Variants in MMP16 observed in about 807,000 individuals in gnomAD.
MMP16 encodes matrix metalloproteinase-16.
Under a neutral mutation model 67.8 loss-of-function variants are expected in MMP16, and 12 were observed. The ratio of observed to expected loss-of-function variants is 0.18; its 90% CI spans 0.11 to 0.29. The LOEUF is 0.29. Among genes scored for constraint, MMP16 ranks in the 10% least tolerant of loss-of-function variants. The probability of loss-of-function intolerance (pLI) is 1.00; values close to 1 mark genes in which losing one functional copy is unlikely to be tolerated. For missense variants in MMP16, 475 were observed against 765.7 expected, an observed-to-expected ratio of 0.62 and a Z score of 4.48; for synonymous variants, 249 against 255.9, an observed-to-expected ratio of 0.97 and a Z score of 0.26.
chr8:88,115,222 AAAC>A lies in MMP16; in HGVS notation c.1083+1282_1083+1284del, dbSNP rs149080844. ...GTTTTCATCAGGTGTCTTTTAGAAT[AAAC>A]AAAAGATTGCACTTTGAGTTCATTT... On this transcript the variant is annotated intron_variant, in intron 6 of 9. Coordinates refer to ENST00000286614, the MANE Select transcript of MMP16 (RefSeq NM_005941.5). Among the ~76,000 whole-genome samples, 573 of 152,194 alleles carry A rather than the reference AAAC, an allele frequency of 3.8e-3. 6 individuals carry two copies. The highest frequency in any genetic ancestry group is 0.013 in the African/African-American group (536 of 41,578).
chr8:88,047,234 T>G (rs1466292519), intron 8 of MMP16, among the ~76,000 whole-genome samples: 1 of 152,204 alleles, frequency 6.6e-6, no homozygotes, highest in Non-Finnish European at 1.5e-5. Context: ...CTTGATTTAT[T>G]TATTCATTCG....
chr8:88,160,737 G>A (rs1038770431), intron 4 of MMP16, among the ~76,000 whole-genome samples: 3 of 151,992 alleles, frequency 2.0e-5, no homozygotes, highest in African/African-American at 7.2e-5. Flanking sequence ...ATTCCTCAGG[G>A]ATCTAGAACT....
chr8:88,276,263 T>A (rs1425648172), intron 1 of MMP16, among the ~76,000 whole-genome samples: 2 of 152,058 alleles, frequency 1.3e-5, no homozygotes, highest in Non-Finnish European at 2.9e-5. Flanking sequence ...ATATGTAGCA[T>A]CTTATATACC....
At chr8:88,122,399 G>A (rs1807854793) in intron 4 of MMP16, among the ~76,000 whole-genome samples, 1 of 151,890 alleles carries the variant, frequency 6.6e-6, no homozygotes, top group Admixed American at 6.6e-5. Flanking sequence ...CTCTACATCT[G>A]TGTATACTTG....
intron 3 of MMP16, among the ~76,000 whole-genome samples, chr8:88,170,527 T>G (rs1417642520): frequency 6.6e-6 from 1 of 152,194 alleles, no homozygotes; most frequent in Non-Finnish European, 1.5e-5. Context: ...GATATTCCTA[T>G]GACACATCAT....
chr8:88,269,226 T>C (rs1264832192), intron 1 of MMP16, among the ~76,000 whole-genome samples: 3 of 152,180 alleles, frequency 2.0e-5, no homozygotes, highest in Non-Finnish European at 4.4e-5. Context: ...AATAGTACTA[T>C]GTAGTACCTC....
At chr8:88,051,882 A>G (rs1417315218) in intron 8 of MMP16, among the ~76,000 whole-genome samples, 1 of 152,198 alleles carries the variant, frequency 6.6e-6, no homozygotes. Context: ...TGTTATGAAG[A>G]TCAAAACATA....
chr8:88,222,964 T>C (rs1344540565), intron 1 of MMP16, among the ~76,000 whole-genome samples: 1 of 152,106 alleles, frequency 6.6e-6, no homozygotes, highest in Non-Finnish European at 1.5e-5. Flanking sequence ...AGGGCTAATA[T>C]GCAGAATCTA....
intron 4 of MMP16, among the ~76,000 whole-genome samples, chr8:88,126,565 T>C (rs1807934744): frequency 6.6e-6 from 1 of 151,756 alleles, no homozygotes; most frequent in African/African-American, 2.4e-5. Context: ...TCAAGTGTTC[T>C]TGTCACCAGA....
chr8:88,310,413 T>C (rs1391595424), intron 1 of MMP16, among the ~76,000 whole-genome samples: 1 of 152,012 alleles, frequency 6.6e-6, no homozygotes, highest in Non-Finnish European at 1.5e-5. Context: ...ATAAAGTAAT[T>C]GAAGTAAATG....
At chr8:88,149,367 A>C (rs1005472466) in intron 4 of MMP16, among the ~76,000 whole-genome samples, 14 of 152,176 alleles carry the variant, frequency 9.2e-5, no homozygotes, top group African/African-American at 2.9e-4. Context: ...CCACAGCTCA[A>C]GGAGGCCTGC....
intron 4 of MMP16, among the ~76,000 whole-genome samples, chr8:88,147,469 T>C (rs754854335): frequency 5.8e-4 from 89 of 152,230 alleles, no homozygotes; most frequent in Middle Eastern, 3.4e-3. Flanking sequence ...ATCTAAGTTT[T>C]TTTCTAGGAA....
At position 88,041,491 on chromosome 8, in the gene MMP16, G is replaced by A; in HGVS notation, c.1794C>T (p.Tyr598=). The A allele has an allele frequency of 6.2e-7, 1 of 1,614,104 alleles. No individual in the cohort carries two copies. The highest frequency in any genetic ancestry group is 8.5e-7 in the Non-Finnish European group (1 of 1,179,960). ...KRKGTPRHIL[Y]CKRSMQEWV ...CCCACTCTTGCATAGAGCGTTTACAGTACAGTATGTGGCGGGGTGTTCCTT... is the reference window on the plus strand; with the variant it reads ...CCCACTCTTGCATAGAGCGTTTACAATACAGTATGTGGCGGGGTGTTCCTT... The change falls in exon 10 of 10, where the codon TAC becomes TAT. Residue 598 remains tyrosine, a synonymous_variant. Coordinates refer to ENST00000286614, the MANE Select transcript of MMP16 (RefSeq NM_005941.5). This position sits in a 1 kb window ranked among gnomAD's most constrained non-coding sequence, Gnocchi z 6.0.
chr8:88,105,995 C>T (rs182645716), intron 6 of MMP16, among the ~76,000 whole-genome samples: 229 of 147,200 alleles, frequency 1.6e-3, no homozygotes, highest in Middle Eastern at 7.0e-3. Context: ...TGTATATATG[C>T]AAATACATAT....
chr8:88,181,653 G>C (rs1303020324), intron 3 of MMP16, among the ~76,000 whole-genome samples: 1 of 151,678 alleles, frequency 6.6e-6, no homozygotes, highest in Non-Finnish European at 1.5e-5. Context: ...AAGTTATTTT[G>C]TGTGAATCAA....
At chr8:88,203,260 C>T (rs930216772) in intron 1 of MMP16, among the ~76,000 whole-genome samples, 1 of 151,804 alleles carries the variant, frequency 6.6e-6, no homozygotes, top group Non-Finnish European at 1.5e-5. Context: ...CCTGCCACCA[C>T]GGCCAGCAAT....
At chr8:88,062,494 C>T (rs1808412319) in intron 7 of MMP16, among the ~76,000 whole-genome samples, 2 of 152,112 alleles carry the variant, frequency 1.3e-5, no homozygotes, top group South Asian at 4.1e-4. Flanking sequence ...AGGATGAGTT[C>T]ATGTCCTTTG....
At chr8:88,284,678 T>G (rs28986502) in intron 1 of MMP16, among the ~76,000 whole-genome samples, 3,083 of 152,222 alleles carry the variant, frequency 0.02, 46 homozygotes, top group Non-Finnish European at 0.032. Context: ...TAAGTGCTAT[T>G]TACTCACCAT....
At chr8:88,161,921 A>C (rs1808632574) in intron 4 of MMP16, among the ~76,000 whole-genome samples, 2 of 152,036 alleles carry the variant, frequency 1.3e-5, no homozygotes, top group African/African-American at 2.4e-5. Context: ...TCTGAGAGAC[A>C]GTTTGTTATA....
Sources: allele counts gnomAD v4.1 joint callset (sites outside exome capture counted in the v4.1 genomes callset), GRCh38; gene constraint gnomAD v4.1.1; non-coding constraint Gnocchi (gnomAD v3.1); transcripts MANE v1.5; gene names NCBI Gene and HGNC (gene_info 2026-07-23, HGNC 2026-07-21).